The following EML1 variants were observed in gnomAD, a reference collection of about 807,000 sequenced individuals.
The protein encoded by EML1 is EMAP like 1.
EML1 carries 27 observed loss-of-function variants against 110.4 expected under a neutral mutation model. The ratio of observed to expected loss-of-function variants is 0.24; its 90% CI spans 0.18 to 0.34. The LOEUF (loss-of-function observed/expected upper bound fraction) is 0.34. Ranked by LOEUF, EML1 falls within the 10% of genes least tolerant of loss-of-function variation. The pLI, the probability that EML1 is intolerant of heterozygous loss-of-function variation, is 1.00. For synonymous variants in EML1, 344 were observed against 385.8 expected, an observed-to-expected ratio of 0.89 and a Z score of 1.27; for missense variants, 741 against 1,030.9, an observed-to-expected ratio of 0.72 and a Z score of 3.85.
At chr14:99,822,279 A>G (rs997891778) in intron 1 of EML1, among the ~76,000 whole-genome samples, 1 of 152,244 alleles carries the variant, frequency 6.6e-6, no homozygotes, top group Non-Finnish European at 1.5e-5. Context: ...GGCACTATAT[A>G]TGAGAATACA....
rs556700166 is a variant in EML1, at chr14:99,843,747, A to G, written c.68-7106A>G. Among the ~76,000 whole-genome samples the G allele has an allele frequency of 7.5e-4, 114 of 152,262 alleles. 1 individual carries two copies. Among genetic ancestry groups the G allele is most frequent in the African/African-American group, 2.6e-3 (110 of 41,546 alleles). On this transcript the variant is annotated intron_variant, in intron 1 of 21. Coordinates refer to ENST00000262233, the MANE Select transcript of EML1 (RefSeq NM_004434.3). The stretch of plus-strand genomic sequence containing the variant: ...ACTTAGCTCTAGAATGTCTTCTCCT[A>G]CCTTAGTAGAACTCTCCCTGCCTTC...
At chr14:99,825,357 G>A (rs1240055467) in intron 1 of EML1, among the ~76,000 whole-genome samples, 1 of 152,174 alleles carries the variant, frequency 6.6e-6, no homozygotes, top group African/African-American at 2.4e-5. Context: ...GTTGTGAATA[G>A]TGCTGTGATG....
chr14:99,803,329 C>T (rs1279729692), intron 1 of EML1, among the ~76,000 whole-genome samples: 1 of 152,228 alleles, frequency 6.6e-6, no homozygotes, highest in African/African-American at 2.4e-5. Flanking sequence ...CAACGTGTAT[C>T]AATGTGTATA....
intron 1 of EML1, among the ~76,000 whole-genome samples, chr14:99,765,517 C>T (rs61985997): frequency 0.018 from 2,816 of 152,276 alleles, 49 homozygotes; most frequent in Middle Eastern, 0.048. Flanking sequence ...TATATATCCT[C>T]AAGTCAAGGT....
chr14:99,893,745 C>T (rs748066468), intron 5 of EML1, among the ~76,000 whole-genome samples: 3 of 152,214 alleles, frequency 2.0e-5, no homozygotes, highest in Non-Finnish European at 2.9e-5. Flanking sequence ...ACCATTAAAA[C>T]CAGGTCCTTT....
Position 99,835,521 on chromosome 14 carries a change from G to A in EML1, c.68-15332G>A, listed in dbSNP as rs138595883. The stretch of plus-strand genomic sequence containing the variant: ...GCATACTTTGGGTTCCTGAAGGTTT[G>A]GTTTTCTTAAGTGGATGCTGAGATC... On this transcript the variant is annotated intron_variant, in intron 1 of 21. Transcript: ENST00000262233. Among the ~76,000 whole-genome samples the A allele has an allele frequency of 4.5e-3, 683 of 152,086 alleles. 1 individual carries two copies. The highest frequency in any genetic ancestry group is 0.016 in the African/African-American group (645 of 41,480).
At chr14:99,908,548 T>G (rs1234069094) in intron 10 of EML1, among the ~76,000 whole-genome samples, 3 of 152,184 alleles carry the variant, frequency 2.0e-5, no homozygotes, top group Non-Finnish European at 2.9e-5. Context: ...GTGTTTAAGT[T>G]CTTCTTGCTA....
intron 1 of EML1, among the ~76,000 whole-genome samples, chr14:99,849,176 T>C (rs2058750625): frequency 6.6e-6 from 1 of 152,220 alleles, no homozygotes; most frequent in African/African-American, 2.4e-5. Context: ...TAATTCTTTC[T>C]GGTTTTGTTA....
At chr14:99,927,955 AGGTGGTGGTGGTGGTGAT>A (rs2060278520) in intron 17 of EML1, among the ~76,000 whole-genome samples, 1 of 94,370 alleles carries the variant, frequency 1.1e-5, no homozygotes, top group Non-Finnish European at 2.2e-5. Context: ...GTGGTGGTGG[AGGTGGTGGTGGTGGTGAT>A]GGTGGTGGTG....
At chr14:99,908,835 G>A (rs979571850) in intron 10 of EML1, among the ~76,000 whole-genome samples, 1 of 152,172 alleles carries the variant, frequency 6.6e-6, no homozygotes, top group Non-Finnish European at 1.5e-5. Context: ...AGTCAGCCAC[G>A]AACAATGGAC....
chr14:99,930,264 C>T (rs1413462618), intron 17 of EML1, among the ~76,000 whole-genome samples: 1 of 152,330 alleles, frequency 6.6e-6, no homozygotes, highest in African/African-American at 2.4e-5. Context: ...GGCAATTTCT[C>T]GCTTCTCGCA....
chr14:99,804,684 G>A (rs1689161095), intron 1 of EML1, among the ~76,000 whole-genome samples: 1 of 152,198 alleles, frequency 6.6e-6, no homozygotes, highest in African/African-American at 2.4e-5. Flanking sequence ...GCCTGTAGGA[G>A]AGGCCACACA....
chr14:99,846,743 G>A (rs2058713066), intron 1 of EML1, among the ~76,000 whole-genome samples: 1 of 152,160 alleles, frequency 6.6e-6, no homozygotes, highest in African/African-American at 2.4e-5. Flanking sequence ...TAGGCAGAGA[G>A]CTTCTTAAGG....
At chr14:99,800,117 G>A (rs2057847656) in intron 1 of EML1, among the ~76,000 whole-genome samples, 1 of 152,146 alleles carries the variant, frequency 6.6e-6, no homozygotes. Context: ...AACTCTAAAA[G>A]CTGTATAATT....
intron 1 of EML1, among the ~76,000 whole-genome samples, chr14:99,744,773 C>G (rs763531221): frequency 4.6e-5 from 7 of 152,146 alleles, no homozygotes; most frequent in Non-Finnish European, 1.0e-4. Flanking sequence ...TCACCTCCAG[C>G]GAGGAAAAGC....
At chr14:99,800,349 TTTAAGTTTAA>T (rs2057852055) in intron 1 of EML1, among the ~76,000 whole-genome samples, 1 of 152,038 alleles carries the variant, frequency 6.6e-6, no homozygotes, top group South Asian at 2.1e-4. Flanking sequence ...TTGTTTTTTT[TTTAAGTTTAA>T]TTAATTATTT....
chr14:99,862,819 A>G (rs1442560870), intron 2 of EML1, among the ~76,000 whole-genome samples: 1 of 152,164 alleles, frequency 6.6e-6, no homozygotes, highest in South Asian at 2.1e-4. Flanking sequence ...CCCTGAAGGC[A>G]TGCTTTCTTC....
intron 3 of EML1, among the ~76,000 whole-genome samples, chr14:99,869,455 A>G (rs995065875): frequency 2.0e-5 from 3 of 152,028 alleles, no homozygotes; most frequent in Non-Finnish European, 1.5e-5. Flanking sequence ...TTCCCTCTCC[A>G]TTGGCCTCCC....
chr14:99,845,729 G>A (rs545905612), intron 1 of EML1, among the ~76,000 whole-genome samples: 12 of 152,236 alleles, frequency 7.9e-5, no homozygotes, highest in Admixed American at 3.9e-4. Context: ...ATTTCTATGT[G>A]TGAAACAATT....
Sources: allele counts gnomAD v4.1 joint callset (sites outside exome capture counted in the v4.1 genomes callset), GRCh38; gene constraint gnomAD v4.1.1; transcripts MANE v1.5; gene names NCBI Gene and HGNC (gene_info 2026-07-23, HGNC 2026-07-21).